Variants in PCGF1 observed in about 807,000 individuals in gnomAD.
PCGF1 encodes the protein polycomb group ring finger 1, also known as polycomb group RING finger protein 1.
Under a neutral mutation model 38.8 loss-of-function variants are expected in PCGF1, and 10 were observed. The observed-to-expected ratio is 0.26, with a 90% CI of 0.16 to 0.44. PCGF1 has a LOEUF of 0.44. Ranked by LOEUF, PCGF1 falls within the 20% of genes least tolerant of loss-of-function variation. PCGF1 has a pLI of 1.00. For synonymous variants in PCGF1, 119 were observed against 121.3 expected (o/e 0.98, Z 0.12); for missense variants, 230 against 331.5 (o/e 0.69, Z 2.38).
rs1239217153 is a variant in PCGF1, at chr2:74,507,648, G to A, written c.21C>T (p.Gly7=). MASPQG[G]QIAIAMRLRN... Reference sequence around the variant, plus strand: ...GAAGCCTCATCGCGATCGCAATCTGGCCCCCCTGAGGAGACGCCATCTTAA... The same window carrying A: ...GAAGCCTCATCGCGATCGCAATCTGACCCCCCTGAGGAGACGCCATCTTAA... The change falls in exon 1 of 9, where the codon GGC becomes GGT. Residue 7 remains glycine (G), a synonymous_variant. Coordinates refer to ENST00000233630, the MANE Select transcript of PCGF1 (RefSeq NM_032673.3). 5 of 1,567,482 alleles carry A rather than the reference G, an allele frequency of 3.2e-6. No homozygotes were observed. The Admixed American group carries it at 7.5e-5, about 24-fold the overall frequency.
chr2:74,505,825 C>G, intron 5 of PCGF1, 55 bp from the exon 6 acceptor site: 1 of 1,610,956 alleles, frequency 6.2e-7, no homozygotes, highest in Non-Finnish European at 8.5e-7. Flanking sequence ...TCTTCCCCAC[C>G]CAGAGCCATG....
chr2:74,505,552 A>C lies in PCGF1; in HGVS notation c.651T>G (p.His217Gln). 2 of 1,614,192 alleles carry C rather than the reference A, an allele frequency of 1.2e-6. No individual in the cohort carries two copies. The highest frequency in any genetic ancestry group is 1.7e-6 in the Non-Finnish European group (2 of 1,180,024). Residue 217 changes from histidine (H) to glutamine (Q), a missense_variant and splice_region_variant, in exon 7 of 9, where the codon CAT (histidine) becomes CAG (glutamine). Coordinates refer to ENST00000233630, the MANE Select transcript of PCGF1 (RefSeq NM_032673.3). ...LCHRLMLNPQ[H>Q]VQLLFDNEVL... The stretch of plus-strand genomic sequence containing the variant: ...AGAAACCTACTGTGGGACTACTCAC[A>C]TGCTGAGGGTTTAGCATCAAGCGGT...
chr2:74,506,943 T>TG (rs2104316057), intron 2 of PCGF1, 59 bp from the exon 3 acceptor site: 1 of 1,610,270 alleles, frequency 6.2e-7, no homozygotes, highest in Admixed American at 1.7e-5. Flanking sequence ...ATGGGCTGGG[T>TG]GGGGTGCCTG....
At chr2:74,507,238 AGAC>A in intron 1 of PCGF1, 91 bp from the exon 2 acceptor site, 1 of 1,505,950 alleles carries the variant, frequency 6.6e-7, no homozygotes, top group Non-Finnish European at 9.0e-7. Flanking sequence ...TCATCACACT[AGAC>A]GGCCAAGCCC....
chr2:74,505,642 G>A lies in PCGF1; in HGVS notation c.565-4C>T, dbSNP rs1349435472. The A allele has an allele frequency of 1.2e-6, 2 of 1,613,884 alleles. No individual in the cohort carries two copies. Among genetic ancestry groups the A allele is most frequent in the African/African-American group, 2.7e-5 (2 of 74,862 alleles). ...CAGAACATCGGACATACTTGTTCTG[G>A]GAGCAGGGAGGGGAGGGAAGAGGGC... On this transcript the variant is annotated splice_polypyrimidine_tract_variant and splice_region_variant and intron_variant, in intron 6 of 8. Coordinates refer to ENST00000233630, the MANE Select transcript of PCGF1 (RefSeq NM_032673.3).
At chr2:74,505,913 G>A (rs1354133296) in intron 5 of PCGF1, 39 bp downstream of exon 5, 1 of 1,609,440 alleles carries the variant, frequency 6.2e-7, no homozygotes, top group Non-Finnish European at 8.5e-7. Flanking sequence ...CTGGGTCATT[G>A]GCACTGTCAC....
At chr2:74,506,102 T>C in intron 4 of PCGF1, 45 bp from the exon 5 acceptor site, 1 of 1,612,192 alleles carries the variant, frequency 6.2e-7, no homozygotes, top group Non-Finnish European at 8.5e-7. Flanking sequence ...ACACATTCCA[T>C]ACTCCTCTTT....
chr2:74,505,092 CA>C lies in PCGF1; in HGVS notation c.*50del, dbSNP rs1289882598. Reference sequence around the variant, plus strand: ...AAAAATAAAGCTGCAGTTCATTTCACATAAATATCTGGGGAGGGAAGGGGAG... The same window carrying C: ...AAAAATAAAGCTGCAGTTCATTTCACTAAATATCTGGGGAGGGAAGGGGAG... On this transcript the variant is annotated 3_prime_UTR_variant, in exon 9 of 9. Transcript: ENST00000233630. The C allele has an allele frequency of 7.0e-7, 1 of 1,427,476 alleles. No individual in the cohort carries two copies. Among genetic ancestry groups the C allele is most frequent in the Non-Finnish European group, 9.3e-7 (1 of 1,078,612 alleles). The allele number at this position is 1,427,476 out of a possible 1,614,324, so 88.4% of individuals were successfully genotyped here. A position where few individuals can be genotyped will look rare whatever the true frequency, so the allele number is the denominator to read the frequency against.
intron 3 of PCGF1, 52 bp downstream of exon 3, chr2:74,506,680 C>T: frequency 6.2e-7 from 1 of 1,602,470 alleles, no homozygotes; most frequent in South Asian, 1.1e-5. Flanking sequence ...CTCAAGCTGC[C>T]ACTCAGCAAT....
At chr2:74,506,482 G>A (rs1674637329) in intron 3 of PCGF1, 1 of 610,556 alleles carries the variant, frequency 1.6e-6, no homozygotes, top group Admixed American at 3.0e-5. Flanking sequence ...GGAGGCTGAG[G>A]CAGGAGAATG....
chr2:74,505,705 C>T (rs1327272283), intron 6 of PCGF1, 32 bp downstream of exon 6: 3 of 1,613,878 alleles, frequency 1.9e-6, no homozygotes, highest in Non-Finnish European at 8.5e-7. Context: ...GGTGAGTCTC[C>T]TTAGAGAGGC....
At chr2:74,507,202 C>G in intron 1 of PCGF1, 55 bp from the exon 2 acceptor site, 1 of 1,566,534 alleles carries the variant, frequency 6.4e-7, no homozygotes, top group African/African-American at 1.3e-5. Flanking sequence ...AACCCGTGCG[C>G]CTTCCCACCT....
chr2:74,506,434 T>C, intron 3 of PCGF1, 182 bp from the exon 4 acceptor site: 1 of 635,466 alleles, frequency 1.6e-6, no homozygotes, highest in Non-Finnish European at 2.7e-6. Flanking sequence ...AAAAATTAGC[T>C]GGGCATGGTG....
intron 3 of PCGF1, 86 bp downstream of exon 3, chr2:74,506,646 C>G: frequency 6.9e-7 from 1 of 1,457,998 alleles, no homozygotes; most frequent in Non-Finnish European, 9.6e-7. Flanking sequence ...CTTCTGCCTA[C>G]GTGAGTCCTA....
Position 74,506,162 on chromosome 2 carries a change from C to T in PCGF1, c.424+19G>A, listed in dbSNP as rs1171517092. The T allele has an allele frequency of 6.2e-7, 1 of 1,614,080 alleles. No individual in the cohort carries two copies. The highest frequency in any genetic ancestry group is 8.5e-7 in the Non-Finnish European group (1 of 1,179,932). Reference sequence around the variant, plus strand: ...AAGAATGCTCTGGGGTCTTTACTGTCCCGCGGCCAAGGACATACCTTCCCC... The same window carrying T: ...AAGAATGCTCTGGGGTCTTTACTGTTCCGCGGCCAAGGACATACCTTCCCC... On this transcript the variant is annotated intron_variant, in intron 4 of 8. Coordinates refer to ENST00000233630, the MANE Select transcript of PCGF1 (RefSeq NM_032673.3).
chr2:74,506,833 A>C lies in PCGF1; in HGVS notation c.251T>G (p.Met84Arg). The change falls in exon 3 of 9, where the codon ATG becomes AGG. Residue 84 changes from methionine to arginine, a missense_variant. Physicochemically the swap from Met to Arg is moderately conservative, Grantham distance 91. Transcript: ENST00000233630. ...KYLQTSKYCPMCNIKIHETQP... is the reference protein window; with the variant it reads ...KYLQTSKYCPRCNIKIHETQP... ...TGTCTCGTGGATCTTAATGTTGCAC[A>C]TGGGGCAGTACTTGCTAGTTTGGAG... is the stretch of plus-strand genomic sequence containing the variant. 6.2e-7 allele frequency: 1 copy of C among 1,614,216 alleles called. No individual in the cohort carries two copies. The highest frequency in any genetic ancestry group is 8.5e-7 in the Non-Finnish European group (1 of 1,180,030).
intron 1 of PCGF1, 125 bp downstream of exon 1, chr2:74,507,451 A>G: frequency 6.8e-7 from 1 of 1,476,146 alleles, no homozygotes; most frequent in Non-Finnish European, 9.0e-7. Flanking sequence ...GCAACCACGC[A>G]GGCGCACTGG....
At position 74,507,591 on chromosome 2, in the gene PCGF1, G is replaced by A; in HGVS notation, c.78C>T (p.Asp26=). ...RNQLQSVYKM[D]PLRNEEEVRV... is the part of the protein sequence containing the mutation. Reference sequence around the variant, plus strand: ...GCCCTTGCACCTCGTTCCGTAGCGGGTCCATCTTGTACACTGACTGGAGCT... The same window carrying A: ...GCCCTTGCACCTCGTTCCGTAGCGGATCCATCTTGTACACTGACTGGAGCT... The change falls in exon 1 of 9, where the codon GAC becomes GAT. Residue 26 remains aspartate, a synonymous_variant. Transcript: ENST00000233630. 9 of 1,588,894 alleles carry A rather than the reference G, an allele frequency of 5.7e-6. No homozygotes were observed. The highest frequency in any genetic ancestry group is 6.8e-6 in the Non-Finnish European group (8 of 1,168,160).
intron 1 of PCGF1, 105 bp downstream of exon 1, chr2:74,507,471 C>A: frequency 6.6e-7 from 1 of 1,508,188 alleles, no homozygotes; most frequent in Non-Finnish European, 8.8e-7. Context: ...GGCACTCTGT[C>A]TCTGCGCAGG....
Sources: gnomAD v4.1 joint callset for allele counts on GRCh38, gnomAD v4.1.1 for gene constraint, MANE v1.5 for transcripts, NCBI Gene and HGNC (gene_info 2026-07-23, HGNC 2026-07-21) for gene names.